JAKMIP1: variants seen among roughly 807,000 people sequenced by gnomAD.
JAKMIP1 encodes the protein janus kinase and microtubule interacting protein 1, also known as janus kinase and microtubule-interacting protein 1.
JAKMIP1 carries 33 observed loss-of-function variants against 113.0 expected under a neutral mutation model. That is an observed-to-expected ratio of 0.29 (90% CI 0.22 to 0.39). JAKMIP1 has a LOEUF of 0.39. Ranked by LOEUF, JAKMIP1 falls within the 10% of genes least tolerant of loss-of-function variation. The pLI is 1.00. For synonymous variants in JAKMIP1, 480 were observed against 459.9 expected (o/e 1.04, Z -0.56); for missense variants, 813 against 1,080.5 (o/e 0.75, Z 3.47).
chr4:6,073,804 C>T (rs188880312), intron 8 of JAKMIP1, among the ~76,000 whole-genome samples: 6 of 152,340 alleles, frequency 3.9e-5, no homozygotes, highest in African/African-American at 1.4e-4. Context: ...TACAATTTCC[C>T]AACCTTATCC....
intron 2 of JAKMIP1, among the ~76,000 whole-genome samples, chr4:6,111,416 T>TCTAC (rs1209740374): frequency 2.0e-5 from 3 of 152,208 alleles, no homozygotes; most frequent in African/African-American, 7.2e-5. Flanking sequence ...CTGGGCTTGC[T>TCTAC]CTACCCTCAA....
rs1042935809 is a variant in JAKMIP1 at position 6,184,627 on chromosome 4, T to C, written c.-148+15626A>G. 1.5e-4 allele frequency among the ~76,000 whole-genome samples: 23 copies of C among 152,170 alleles called. No homozygotes were observed. The highest frequency in any genetic ancestry group is 5.5e-4 in the African/African-American group (23 of 41,446). On this transcript the variant is annotated intron_variant, in intron 1 of 20. Coordinates refer to ENST00000409021, the MANE Select transcript of JAKMIP1 (RefSeq NM_001099433.2). The surrounding 1 kb of genome is among the most constrained non-coding windows in gnomAD (Gnocchi z 4.5). ...AACAAGGGTCCCCCGCGCTCACCTG[T>C]AGATTCAGCAAGAGAGCAGGGGTGA...
rs1258474298 is a variant in JAKMIP1, at chr4:6,094,023, C to T, written c.625-8394G>A. 6.6e-6 allele frequency among the ~76,000 whole-genome samples: 1 copy of T among 152,094 alleles called. No individual in the cohort carries two copies. Among genetic ancestry groups the T allele is most frequent in the Non-Finnish European group, 1.5e-5 (1 of 68,034 alleles). On this transcript the variant is annotated intron_variant, in intron 3 of 20. Transcript: ENST00000409021. The surrounding 1 kb of genome is among the most constrained non-coding windows in gnomAD (Gnocchi z 4.2). ...ACATGGGAGCGGGTGTCACCTGTCA[C>T]CCCAGTAGACTGCGAGCTCCCTGCA... is the stretch of plus-strand genomic sequence containing the variant.
rs559479056 is a variant in JAKMIP1, at chr4:6,040,370, C to A, written c.2175+269G>T. On this transcript the variant is annotated intron_variant, in intron 18 of 20. Coordinates refer to ENST00000409021, the MANE Select transcript of JAKMIP1 (RefSeq NM_001099433.2). The surrounding 1 kb of genome is among the most constrained non-coding windows in gnomAD (Gnocchi z 5.8). ...ATCAAACATAAAAGAAATATAGTTT[C>A]TTCTCATTCATCTCAAATGATTACT... 1.3e-5 allele frequency among the ~76,000 whole-genome samples: 2 copies of A among 152,286 alleles called. No homozygotes were observed. The highest frequency in any genetic ancestry group is 3.9e-4 in the East Asian group (2 of 5,188).
chr4:6,119,572 A>ACAACAACAAC (rs113983857), intron 1 of JAKMIP1, among the ~76,000 whole-genome samples: 1 of 150,682 alleles, frequency 6.6e-6, no homozygotes, highest in Non-Finnish European at 1.5e-5. Flanking sequence ...AACAACAACA[A>ACAACAACAAC]AAAAAAACCA....
chr4:6,134,305 C>T (rs959076332), intron 1 of JAKMIP1, among the ~76,000 whole-genome samples: 5 of 152,204 alleles, frequency 3.3e-5, no homozygotes, highest in African/African-American at 1.2e-4. Context: ...AACCGCTTTT[C>T]TTTATAAATG....
intron 18 of JAKMIP1, among the ~76,000 whole-genome samples, chr4:6,039,340 C>T (rs1713999694): frequency 6.6e-6 from 1 of 152,222 alleles, no homozygotes; most frequent in Admixed American, 6.5e-5. Context: ...CACTTGCTTA[C>T]ATTCCTCTCG....
chr4:6,033,793 G>GAA (rs943909629), intron 19 of JAKMIP1, among the ~76,000 whole-genome samples: 1 of 150,864 alleles, frequency 6.6e-6, no homozygotes, highest in African/African-American at 2.4e-5. Context: ...TTCTCTTTGG[G>GAA]AAAAAAAAAT....
chr4:6,163,404 A>G (rs541148835), intron 1 of JAKMIP1, among the ~76,000 whole-genome samples: 12 of 152,222 alleles, frequency 7.9e-5, no homozygotes, highest in Non-Finnish European at 1.8e-4. Flanking sequence ...GACATCATGA[A>G]CCATGCCTAT....
At position 6,143,576 on chromosome 4, in the gene JAKMIP1, T is replaced by C. The variant is rs1269168546; in HGVS notation, c.-147-30579A>G. 3.3e-5 allele frequency among the ~76,000 whole-genome samples: 5 copies of C among 152,306 alleles called. No individual in the cohort carries two copies. The highest frequency in any genetic ancestry group is 7.3e-5 in the Non-Finnish European group (5 of 68,030). On this transcript the variant is annotated intron_variant, in intron 1 of 20. Transcript: ENST00000409021. This position sits in a 1 kb window ranked among gnomAD's most constrained non-coding sequence, Gnocchi z 4.9. ...GCCCCTGGATAATATTTTTAAACTT[T>C]TCAGTTAATTTTGGCACCTCCCCTA...
intron 1 of JAKMIP1, among the ~76,000 whole-genome samples, chr4:6,169,987 ACCACCACCACCACCACCAC>A (rs1724176838): frequency 1.4e-5 from 1 of 73,332 alleles, no homozygotes; most frequent in African/African-American, 7.2e-5. Context: ...CACTACCACC[ACCACCACCACCACCACCAC>A]CACCCTCACC....
intron 1 of JAKMIP1, among the ~76,000 whole-genome samples, chr4:6,196,870 A>C (rs950293152): frequency 2.0e-5 from 3 of 152,160 alleles, no homozygotes; most frequent in East Asian, 1.9e-4. Flanking sequence ...AAAAAAAAAA[A>C]AAAAACAAAA....
intron 1 of JAKMIP1, among the ~76,000 whole-genome samples, chr4:6,172,358 G>A (rs1006625765): frequency 6.6e-6 from 1 of 152,164 alleles, no homozygotes; most frequent in African/African-American, 2.4e-5. Flanking sequence ...ATAAATCCCA[G>A]CTGCAGAAAA....
At chr4:6,062,531 A>T (rs1717452971) in intron 9 of JAKMIP1, 91 bp from the exon 10 acceptor site, 1 of 1,382,060 alleles carries the variant, frequency 7.2e-7, no homozygotes, top group African/African-American at 1.4e-5. Flanking sequence ...ACATAAATAA[A>T]CACTTGCTAT....
rs904537680 is a variant in JAKMIP1, at chr4:6,108,465, C to T, written c.130-2498G>A. 1.6e-4 allele frequency among the ~76,000 whole-genome samples: 24 copies of T among 152,216 alleles called. No individual in the cohort carries two copies. The East Asian group carries it at 2.1e-3, about 13-fold the overall frequency. On this transcript the variant is annotated intron_variant, in intron 2 of 20. Coordinates refer to ENST00000409021, the MANE Select transcript of JAKMIP1 (RefSeq NM_001099433.2). This position sits in a 1 kb window ranked among gnomAD's most constrained non-coding sequence, Gnocchi z 5.6. ...CATGCCCTGGGGGTGTGGGGGCTGGCGTGGAGAAATTATCTGAACCACCAG... is the reference window on the plus strand; with the variant it reads ...CATGCCCTGGGGGTGTGGGGGCTGGTGTGGAGAAATTATCTGAACCACCAG...
intron 2 of JAKMIP1, among the ~76,000 whole-genome samples, chr4:6,110,126 G>GA (rs1455662489): frequency 2.6e-5 from 4 of 152,118 alleles, no homozygotes; most frequent in African/African-American, 9.7e-5. Context: ...GTGTCCCCCT[G>GA]AAAATCATAT....
intron 1 of JAKMIP1, among the ~76,000 whole-genome samples, chr4:6,190,562 C>T (rs970148652): frequency 6.6e-6 from 1 of 152,138 alleles, no homozygotes; most frequent in Non-Finnish European, 1.5e-5. Context: ...GGTGGAGGTC[C>T]AAGGAGAGGC....
chr4:6,088,607 G>A lies in JAKMIP1; in HGVS notation c.625-2978C>T, dbSNP rs1721622217. ...AACAGCAGAGATGGCATCTAGAAAC[G>A]GACGGAGGGCCAATGCAGAACACAT... On this transcript the variant is annotated intron_variant, in intron 3 of 20. Coordinates refer to ENST00000409021, the MANE Select transcript of JAKMIP1 (RefSeq NM_001099433.2). The surrounding 1 kb of genome is among the most constrained non-coding windows in gnomAD (Gnocchi z 5.5). Among the ~76,000 whole-genome samples the A allele has an allele frequency of 6.6e-6, 1 of 152,146 alleles. No individual in the cohort carries two copies. The highest frequency in any genetic ancestry group is 2.1e-4 in the South Asian group (1 of 4,822).
chr4:6,195,168 C>T (rs935271751), intron 1 of JAKMIP1, among the ~76,000 whole-genome samples: 2 of 152,174 alleles, frequency 1.3e-5, no homozygotes, highest in African/African-American at 2.4e-5. Context: ...ATGGCAGAGC[C>T]GGTGCTCAAA....
Sources: allele counts gnomAD v4.1 joint callset (sites outside exome capture counted in the v4.1 genomes callset), GRCh38; gene constraint gnomAD v4.1.1; non-coding constraint Gnocchi (gnomAD v3.1); transcripts MANE v1.5; gene names NCBI Gene and HGNC (gene_info 2026-07-23, HGNC 2026-07-21).